Variants in FSTL5 observed in about 807,000 individuals in gnomAD.
The protein encoded by FSTL5 is follistatin like 5, also known as follistatin-related protein 5.
In FSTL5, 62 loss-of-function variants were observed where a neutral mutation model predicts 89.1. That is an observed-to-expected ratio of 0.70 (90% CI 0.57 to 0.86). FSTL5 has a LOEUF of 0.86. Among genes scored for constraint, FSTL5 ranks in the 40% least tolerant of loss-of-function variants. The pLI, the probability that FSTL5 is intolerant of heterozygous loss-of-function variation, is 0.00. For synonymous variants in FSTL5, 383 were observed against 346.2 expected (o/e 1.11, Z -1.18); for missense variants, 1,057 against 1,001.6 (o/e 1.06, Z -0.75).
At chr4:161,765,141 C>A (rs1248118081) in intron 5 of FSTL5, among the ~76,000 whole-genome samples, 2 of 152,210 alleles carry the variant, frequency 1.3e-5, no homozygotes, top group East Asian at 1.9e-4. Context: ...CACCTGGTTT[C>A]TCCTGCCTTA....
At chr4:161,928,454 G>T (rs548148232) in intron 3 of FSTL5, among the ~76,000 whole-genome samples, 1 of 151,642 alleles carries the variant, frequency 6.6e-6, no homozygotes, top group East Asian at 1.9e-4. Context: ...ACTATAGATC[G>T]GATGGCAAGG....
intron 8 of FSTL5, among the ~76,000 whole-genome samples, chr4:161,582,441 G>A (rs935486167): frequency 1.3e-5 from 2 of 152,000 alleles, no homozygotes; most frequent in East Asian, 1.9e-4. Flanking sequence ...ATTGTTCCTC[G>A]TTCCCAACTA....
At chr4:161,997,821 G>A (rs1736344365) in intron 3 of FSTL5, among the ~76,000 whole-genome samples, 1 of 151,848 alleles carries the variant, frequency 6.6e-6, no homozygotes. Context: ...AGCAAGGATG[G>A]TCTCGATCTC....
At chr4:161,979,660 C>T (rs1190357919) in intron 3 of FSTL5, among the ~76,000 whole-genome samples, 1 of 151,954 alleles carries the variant, frequency 6.6e-6, no homozygotes, top group African/African-American at 2.4e-5. Flanking sequence ...TCAAATTGTA[C>T]AAAGGGGTAC....
intron 2 of FSTL5, among the ~76,000 whole-genome samples, chr4:162,074,340 T>A (rs1432326640): frequency 6.6e-6 from 1 of 151,770 alleles, no homozygotes; most frequent in African/African-American, 2.4e-5. Context: ...GCCAGGTTTT[T>A]ATTTTTTTTA....
chr4:161,891,033 C>T (rs1344361620), intron 4 of FSTL5, among the ~76,000 whole-genome samples: 1 of 151,906 alleles, frequency 6.6e-6, no homozygotes, highest in African/African-American at 2.4e-5. Context: ...ATGTTCTTGT[C>T]AGTCAAAAAT....
Position 162,152,090 on chromosome 4 carries a change from A to G in FSTL5, c.-17+11525T>C, listed in dbSNP as rs72693269. ...ATTAAGTTGTACTATTTGTGCACAGACAGGGAAACAAACAGAATGAAAGCC... is the reference window on the plus strand; with the variant it reads ...ATTAAGTTGTACTATTTGTGCACAGGCAGGGAAACAAACAGAATGAAAGCC... On this transcript the variant is annotated intron_variant, in intron 1 of 15. Coordinates refer to ENST00000306100, the MANE Select transcript of FSTL5 (RefSeq NM_020116.5). 5.5e-3 allele frequency among the ~76,000 whole-genome samples: 835 copies of G among 152,336 alleles called. 6 individuals carry two copies. Among genetic ancestry groups the G allele is most frequent in the Non-Finnish European group, 9.0e-3 (610 of 68,034 alleles).
At chr4:161,386,524 T>A in intron 15 of FSTL5, 75 bp from the exon 16 acceptor site, 1 of 995,452 alleles carries the variant, frequency 1.0e-6, no homozygotes. Context: ...TAGATACAGG[T>A]GGAAAGGTCC....
At chr4:161,935,559 CA>C (rs1734409280) in intron 3 of FSTL5, among the ~76,000 whole-genome samples, 1 of 152,088 alleles carries the variant, frequency 6.6e-6, no homozygotes, top group South Asian at 2.1e-4. Flanking sequence ...TTAAATACCA[CA>C]GAGAGGTAAT....
intron 2 of FSTL5, among the ~76,000 whole-genome samples, chr4:162,044,451 T>C (rs891963313): frequency 2.0e-5 from 3 of 152,168 alleles, no homozygotes; most frequent in Admixed American, 1.3e-4. Flanking sequence ...CTTTCGTTTA[T>C]AGAGCACAGA....
At chr4:161,601,105 C>T (rs1734214128) in intron 7 of FSTL5, among the ~76,000 whole-genome samples, 1 of 151,898 alleles carries the variant, frequency 6.6e-6, no homozygotes, top group South Asian at 2.1e-4. Flanking sequence ...GAGTATAAAA[C>T]CCTGGGAGCA....
intron 3 of FSTL5, among the ~76,000 whole-genome samples, chr4:161,932,049 A>G (rs2110896980): frequency 6.6e-6 from 1 of 152,098 alleles, no homozygotes; most frequent in Non-Finnish European, 1.5e-5. Flanking sequence ...TCTAATTGTC[A>G]GGTGTAGTGG....
chr4:161,626,404 C>A (rs1477623975), intron 7 of FSTL5, among the ~76,000 whole-genome samples: 2 of 152,066 alleles, frequency 1.3e-5, no homozygotes, highest in African/African-American at 4.8e-5. Flanking sequence ...GAACAACAGC[C>A]TGGATCATAG....
intron 3 of FSTL5, among the ~76,000 whole-genome samples, chr4:161,936,427 C>T (rs359499): frequency 1.3e-5 from 2 of 152,032 alleles, no homozygotes; most frequent in African/African-American, 2.4e-5. Context: ...TAAAATAGAT[C>T]TGCAAGGATG....
At chr4:161,457,312 T>C (rs1051625168) in intron 14 of FSTL5, among the ~76,000 whole-genome samples, 1 of 152,214 alleles carries the variant, frequency 6.6e-6, no homozygotes, top group Non-Finnish European at 1.5e-5. Flanking sequence ...CACTTTATTT[T>C]ATATTTTCAC....
intron 3 of FSTL5, among the ~76,000 whole-genome samples, chr4:161,962,142 G>T (rs1243039804): frequency 1.3e-5 from 2 of 151,664 alleles, no homozygotes; most frequent in African/African-American, 4.8e-5. Flanking sequence ...ATCTAATAAA[G>T]TATTAAGTAT....
intron 7 of FSTL5, among the ~76,000 whole-genome samples, chr4:161,601,690 A>G (rs1734242918): frequency 6.6e-6 from 1 of 152,152 alleles, no homozygotes; most frequent in African/African-American, 2.4e-5. Flanking sequence ...AAAACTGAGG[A>G]TGGACCAGGC....
At chr4:161,857,461 A>G (rs753973555) in intron 4 of FSTL5, among the ~76,000 whole-genome samples, 3 of 152,130 alleles carry the variant, frequency 2.0e-5, no homozygotes, top group South Asian at 2.1e-4. Context: ...CTTAACTGCT[A>G]CATTATACTT....
chr4:161,688,351 G>A (rs1194914937), intron 6 of FSTL5, among the ~76,000 whole-genome samples: 2 of 152,156 alleles, frequency 1.3e-5, no homozygotes, highest in Non-Finnish European at 2.9e-5. Flanking sequence ...TCAAAGTGCT[G>A]GTATTACAGG....
Sources: gnomAD v4.1 joint callset for allele counts (sites outside exome capture counted in the v4.1 genomes callset) on GRCh38, gnomAD v4.1.1 for gene constraint, MANE v1.5 for transcripts, NCBI Gene and HGNC (gene_info 2026-07-23, HGNC 2026-07-21) for gene names.